KCNQ1OT1: variants seen among roughly 807,000 people sequenced by gnomAD.
The protein encoded by KCNQ1OT1 is KCNQ1 opposite strand/antisense transcript 1, also known as KCNQ1 antisense RNA 2 (non-protein coding).
Position 2,654,235 on chromosome 11 carries a change from C to G in KCNQ1OT1, n.45760G>C. 1 of 398,672 alleles carries G rather than the reference C, an allele frequency of 2.5e-6. No individual in the cohort carries two copies. Among genetic ancestry groups the G allele is most frequent in the South Asian group, 1.3e-4 (1 of 7,856 alleles). 24.7% of individuals were successfully genotyped at this position (398,672 alleles called of 1,614,324 possible). Reference sequence around the variant, plus strand: ...CCTGGCTGCAGCTGTCCGGATGCCCCTGGGGAGGGCTTCTCCTTCACAGTG... The same window carrying G: ...CCTGGCTGCAGCTGTCCGGATGCCCGTGGGGAGGGCTTCTCCTTCACAGTG... On this transcript the variant is annotated non_coding_transcript_exon_variant, in exon 1 of 1. Transcript: ENST00000597346. The surrounding 1 kb of genome is among the most constrained non-coding windows in gnomAD (Gnocchi z 6.4).
Position 2,695,041 on chromosome 11 carries a change from T to C in KCNQ1OT1, n.4954A>G, listed in dbSNP as rs1048202605. ...TGGTCAGAGAGGTAAGCAGGGCAGA[T>C]CTTGTAAAAACCTGATGGAATTTGA... On this transcript the variant is annotated non_coding_transcript_exon_variant, in exon 1 of 1. Transcript: ENST00000597346. The surrounding 1 kb of genome is among the most constrained non-coding windows in gnomAD (Gnocchi z 5.2). 1 of 398,586 alleles carries C rather than the reference T, an allele frequency of 2.5e-6. No homozygotes were observed. The highest frequency in any genetic ancestry group is 4.4e-5 in the Admixed American group (1 of 22,740). 24.7% of individuals were successfully genotyped at this position (398,586 alleles called of 1,614,324 possible).
Position 2,661,246 on chromosome 11 carries a change from A to C in KCNQ1OT1, n.38749T>G. 2.5e-6 allele frequency: 1 copy of C among 399,198 alleles called. No homozygotes were observed. The highest frequency in any genetic ancestry group is 4.4e-5 in the Admixed American group (1 of 22,810). The allele number at this position is 399,198 out of a possible 1,614,324, so 24.7% of individuals were successfully genotyped here. On this transcript the variant is annotated non_coding_transcript_exon_variant, in exon 1 of 1. Transcript: ENST00000597346. This position sits in a 1 kb window ranked among gnomAD's most constrained non-coding sequence, Gnocchi z 5.9. ...CAGATGAGTACTTAATCCTTTTGCA[A>C]TAAAATATTTAAATGAAGACAAATA...
Position 2,621,029 on chromosome 11 carries a change from G to C in KCNQ1OT1, n.78966C>G, listed in dbSNP as rs774281702. The C allele has an allele frequency of 2.5e-6, 1 of 397,118 alleles. No individual in the cohort carries two copies. Among genetic ancestry groups the C allele is most frequent in the Non-Finnish European group, 4.4e-6 (1 of 225,842 alleles). The allele number at this position is 397,118 out of a possible 1,614,324, so 24.6% of individuals were successfully genotyped here. A position where few individuals can be genotyped will look rare whatever the true frequency, so the allele number is the denominator to read the frequency against. ...GTCTTGCTCTGTCTCCCAGGCTGGA[G>C]TGCAGTGGCGCAATCTCGGCTCACT... is the stretch of plus-strand genomic sequence containing the variant. On this transcript the variant is annotated non_coding_transcript_exon_variant, in exon 1 of 1. Transcript: ENST00000597346. The surrounding 1 kb of genome is among the most constrained non-coding windows in gnomAD (Gnocchi z 5.7).
rs987437979 is a variant in KCNQ1OT1 at position 2,647,855 on chromosome 11, G to C, written n.52140C>G. 2.5e-6 allele frequency: 1 copy of C among 398,290 alleles called. No individual in the cohort carries two copies. The highest frequency in any genetic ancestry group is 4.4e-6 in the Non-Finnish European group (1 of 225,966). 24.7% of individuals were successfully genotyped at this position (398,290 alleles called of 1,614,324 possible). On this transcript the variant is annotated non_coding_transcript_exon_variant, in exon 1 of 1. Transcript: ENST00000597346. The surrounding 1 kb of genome is among the most constrained non-coding windows in gnomAD (Gnocchi z 4.0). The stretch of plus-strand genomic sequence containing the variant: ...ATTGTAAGTCTCCTTTTTCATTTCT[G>C]ATTTTATTTATTGGGTCTTCTTGGT...
chr11:2,609,457 G>T, exon 1 of KCNQ1OT1: 3 of 398,396 alleles, frequency 7.5e-6, no homozygotes, highest in Non-Finnish European at 1.3e-5. Flanking sequence ...CCTTCTTGGA[G>T]AATGTCTCAT....
chr11:2,684,496 C>G (rs1036501233), exon 1 of KCNQ1OT1: 2 of 398,562 alleles, frequency 5.0e-6, no homozygotes, highest in African/African-American at 2.1e-5. Context: ...AGTTCTCCTT[C>G]TATTCCTCCT....
At chr11:2,614,357 A>T (rs1038724489) in exon 1 of KCNQ1OT1, 4 of 398,304 alleles carry the variant, frequency 1.0e-5, no homozygotes, top group African/African-American at 2.1e-5. Flanking sequence ...CACCCTTTAA[A>T]TTTTTTAAGT....
At position 2,695,698 on chromosome 11, in the gene KCNQ1OT1, G is replaced by A; in HGVS notation, n.4297C>T. ...TGTTGGCCAGCTCTTCAGAACGTCT[G>A]TGCCTGTCTCCGTCCCCACCTGCAG... On this transcript the variant is annotated non_coding_transcript_exon_variant, in exon 1 of 1. Transcript: ENST00000597346. This position sits in a 1 kb window ranked among gnomAD's most constrained non-coding sequence, Gnocchi z 5.2. The A allele has an allele frequency of 2.5e-6, 1 of 398,656 alleles. No homozygotes were observed. Among genetic ancestry groups the A allele is most frequent in the Non-Finnish European group, 4.4e-6 (1 of 226,090 alleles). 24.7% of individuals were successfully genotyped at this position (398,656 alleles called of 1,614,324 possible).
exon 1 of KCNQ1OT1, chr11:2,662,052 T>G: frequency 6.2e-7 from 1 of 1,614,210 alleles, no homozygotes; most frequent in Non-Finnish European, 8.5e-7. Context: ...AAGGGGAGAC[T>G]CTGCTGACAC....
chr11:2,616,992 ATATT>A, exon 1 of KCNQ1OT1: 2 of 397,920 alleles, frequency 5.0e-6, no homozygotes, highest in South Asian at 2.5e-4. Context: ...AAAAATATGC[ATATT>A]TAGTGTATAA....
chr11:2,699,627 G>A (rs550107996), exon 1 of KCNQ1OT1: 118 of 354,746 alleles, frequency 3.3e-4, no homozygotes, highest in Non-Finnish European at 5.5e-4. Flanking sequence ...GAACCGCGCC[G>A]AAGAACCCCC....
exon 1 of KCNQ1OT1, chr11:2,638,913 GT>G (rs1849524212): frequency 6.6e-6 from 1 of 151,948 alleles, no homozygotes; most frequent in South Asian, 2.1e-4. Flanking sequence ...TTGTTCGTTT[GT>G]TTTTACTCTT....
In KCNQ1OT1 at chr11:2,658,937, A is replaced by T. The variant is rs1173479562; in HGVS notation, n.41058T>A. On this transcript the variant is annotated non_coding_transcript_exon_variant, in exon 1 of 1. Transcript: ENST00000597346. This position sits in a 1 kb window ranked among gnomAD's most constrained non-coding sequence, Gnocchi z 4.9. ...GAAGCAAATTTACCTACTAGATTAG[A>T]GTGTTTAGGACAGACTTTTGCTTTA... The T allele has an allele frequency of 3.3e-5, 13 of 398,348 alleles. No individual in the cohort carries two copies. Among genetic ancestry groups the T allele is most frequent in the East Asian group, 2.1e-4 (6 of 28,086 alleles). The allele number at this position is 398,348 out of a possible 1,614,324, so 24.7% of individuals were successfully genotyped here.
rs1228805202 is a variant in KCNQ1OT1 at position 2,651,329 on chromosome 11, C to T, written n.48666G>A. On this transcript the variant is annotated non_coding_transcript_exon_variant, in exon 1 of 1. Coordinates refer to ENST00000597346, the Ensembl canonical transcript of KCNQ1OT1. The surrounding 1 kb of genome is among the most constrained non-coding windows in gnomAD (Gnocchi z 6.1). ...GCTGCACAGAACACTCCTCAGAGTTCTACAAGCGGCTGAGAGAGCTGGGGT... is the reference window on the plus strand; with the variant it reads ...GCTGCACAGAACACTCCTCAGAGTTTTACAAGCGGCTGAGAGAGCTGGGGT... 1 of 398,724 alleles carries T rather than the reference C, an allele frequency of 2.5e-6. No individual in the cohort carries two copies. The highest frequency in any genetic ancestry group is 2.1e-5 in the African/African-American group (1 of 48,772). 24.7% of individuals were successfully genotyped at this position (398,724 alleles called of 1,614,324 possible). A position where few individuals can be genotyped will look rare whatever the true frequency, so the allele number is the denominator to read the frequency against.
chr11:2,610,183 G>GTGTT, exon 1 of KCNQ1OT1: 2 of 397,268 alleles, frequency 5.0e-6, no homozygotes, highest in East Asian at 7.2e-5. Flanking sequence ...TTTGTTATTA[G>GTGTT]TGTTTGCTCT....
exon 1 of KCNQ1OT1, chr11:2,693,090 A>G (rs1850615376): frequency 1.5e-5 from 6 of 398,448 alleles, no homozygotes; most frequent in Non-Finnish European, 2.2e-5. Context: ...ATGGCTCCTT[A>G]CTCTTTAAGA....
rs1849082036 is a variant in KCNQ1OT1, at chr11:2,617,211, C to G, written n.82784G>C. ...TATCTGCTACTTGGTATCCTTTGAC[C>G]TACATCTTTCCATTTTCTTCCCCCA... is the stretch of plus-strand genomic sequence containing the variant. On this transcript the variant is annotated non_coding_transcript_exon_variant, in exon 1 of 1. Transcript: ENST00000597346. The surrounding 1 kb of genome is among the most constrained non-coding windows in gnomAD (Gnocchi z 4.6). 2 of 398,130 alleles carry G rather than the reference C, an allele frequency of 5.0e-6. No homozygotes were observed. The highest frequency in any genetic ancestry group is 8.9e-6 in the Non-Finnish European group (2 of 225,890). 24.7% of individuals were successfully genotyped at this position (398,130 alleles called of 1,614,324 possible). A position where few individuals can be genotyped will look rare whatever the true frequency, so the allele number is the denominator to read the frequency against.
chr11:2,662,238 C>A, exon 1 of KCNQ1OT1: 1 of 925,766 alleles, frequency 1.1e-6, no homozygotes, highest in South Asian at 1.6e-5. Flanking sequence ...ACGGAGGCAC[C>A]AGGCAAGAGA....
chr11:2,678,551 A>G lies in KCNQ1OT1; in HGVS notation n.21444T>C, dbSNP rs900808140. On this transcript the variant is annotated non_coding_transcript_exon_variant, in exon 1 of 1. Coordinates refer to ENST00000597346, the Ensembl canonical transcript of KCNQ1OT1. This position sits in a 1 kb window ranked among gnomAD's most constrained non-coding sequence, Gnocchi z 4.9. ...TGGGCCTGTTGATAGGCCAGAGCTC[A>G]GTTATTTTAATTATGTAACTTTATG... The G allele has an allele frequency of 7.5e-6, 3 of 398,500 alleles. No homozygotes were observed. Among genetic ancestry groups the G allele is most frequent in the African/African-American group, 2.1e-5 (1 of 48,632 alleles). The allele number at this position is 398,500 out of a possible 1,614,324, so 24.7% of individuals were successfully genotyped here.
Sources: gnomAD v4.1 joint callset for allele counts on GRCh38, gnomAD v4.1.1 for gene constraint, Gnocchi (gnomAD v3.1) non-coding constraint, MANE v1.5 for transcripts, NCBI Gene and HGNC (gene_info 2026-07-23, HGNC 2026-07-21) for gene names.